CHST7: variants seen among roughly 807,000 people sequenced by gnomAD.
The protein encoded by CHST7 is N-acetylglucosamine 6-O-sulfotransferase 4.
Under a neutral mutation model 9.0 loss-of-function variants are expected in CHST7, and 5 were observed. That is an observed-to-expected ratio of 0.56 (90% CI 0.29 to 1.17). CHST7 has a LOEUF of 1.17. Ranked by LOEUF, CHST7 falls within the 50% of genes most tolerant of loss-of-function variation. The pLI is 0.08. For synonymous variants in CHST7, 244 were observed against 237.1 expected (o/e 1.03, Z -0.27); for missense variants, 377 against 485.1 (o/e 0.78, Z 2.09).
chrX:46,594,912 C>A (rs1332193487), intron 1 of CHST7, among the ~76,000 whole-genome samples: 1 of 111,469 alleles, frequency 9.0e-6, no homozygotes, highest in Non-Finnish European at 1.9e-5. Flanking sequence ...GTTCCACAGG[C>A]CCCTGAGGCT....
rs1166845417 is a variant in CHST7 at position 46,575,023 on chromosome X, C to T, written c.1092C>T (p.Ala364=). ...RDLLFARGAP[A]WLRRRYLRLR... Reference sequence around the variant, plus strand: ...TGCTTTTCGCGCGCGGCGCGCCCGCCTGGCTGCGGCGCCGCTACCTGAGGC... The same window carrying T: ...TGCTTTTCGCGCGCGGCGCGCCCGCTTGGCTGCGGCGCCGCTACCTGAGGC... Residue 364 remains alanine (A), a synonymous_variant, in exon 1 of 2, where the codon GCC becomes GCT. Coordinates refer to ENST00000276055, the MANE Select transcript of CHST7 (RefSeq NM_019886.4). 9 of 1,129,305 alleles carry T rather than the reference C, an allele frequency of 8.0e-6. No individual in the cohort carries two copies. Among genetic ancestry groups the T allele is most frequent in the East Asian group, 3.5e-5 (1 of 28,783 alleles). 93.1% of individuals were successfully genotyped at this position (1,129,305 alleles called of 1,213,427 possible).
At position 46,574,854 on chromosome X, in the gene CHST7, G is replaced by A; in HGVS notation, c.923G>A (p.Gly308Asp). The A allele has an allele frequency of 1.7e-6, 2 of 1,180,075 alleles. No homozygotes were observed. ...SIQVLRTRQRGDRFHRVLLAH... is the reference protein window; with the variant it reads ...SIQVLRTRQRDDRFHRVLLAH... ...CAGGTGCTGCGCACCCGCCAGAGGG[G>A]CGACCGCTTCCACCGTGTGCTGCTG... The change falls in exon 1 of 2, where the codon GGC (glycine) becomes GAC (aspartate). Residue 308 changes from glycine to aspartate, a missense_variant. Physicochemically the swap from Gly to Asp is moderately conservative, Grantham distance 94. Around this residue, in one of 3 missense-constraint regions of CHST7, gnomAD observed 239 missense variants for 325.7 expected, o/e 0.73. Coordinates refer to ENST00000276055, the MANE Select transcript of CHST7 (RefSeq NM_019886.4).
chrX:46,580,294 G>A (rs2146637739), intron 1 of CHST7, among the ~76,000 whole-genome samples: 1 of 111,246 alleles, frequency 9.0e-6, no homozygotes, highest in African/African-American at 3.3e-5. Context: ...TCTTGACCTC[G>A]TGATCCACCC....
intron 1 of CHST7, among the ~76,000 whole-genome samples, chrX:46,578,143 A>T (rs1233448377): frequency 9.0e-6 from 1 of 110,633 alleles, no homozygotes; most frequent in Non-Finnish European, 1.9e-5. Context: ...TTCCCACTGT[A>T]ACAAGATGGT....
At chrX:46,576,310 C>T (rs988771593) in intron 1 of CHST7, among the ~76,000 whole-genome samples, 1 of 110,960 alleles carries the variant, frequency 9.0e-6, no homozygotes, top group African/African-American at 3.3e-5. Flanking sequence ...CTAGTGTCGA[C>T]AAGACCTCAG....
intron 1 of CHST7, among the ~76,000 whole-genome samples, chrX:46,581,591 G>A (rs890066114): frequency 1.5e-5 from 1 of 67,979 alleles, no homozygotes; most frequent in South Asian, 7.8e-4. Flanking sequence ...TAAGCATGTG[G>A]TAAAAATAGA....
At chrX:46,587,598 C>G (rs984831089) in intron 1 of CHST7, among the ~76,000 whole-genome samples, 3 of 111,996 alleles carry the variant, frequency 2.7e-5, no homozygotes, top group African/African-American at 6.5e-5. Flanking sequence ...TATTAGCAAA[C>G]TAAATGTTTC....
chrX:46,594,728 C>T (rs1467063529), intron 1 of CHST7, among the ~76,000 whole-genome samples: 1 of 110,999 alleles, frequency 9.0e-6, no homozygotes, highest in African/African-American at 3.3e-5. Flanking sequence ...TTGACTATGC[C>T]ATGGCTTGGT....
At chrX:46,592,522 C>T (rs745620623) in intron 1 of CHST7, among the ~76,000 whole-genome samples, 1 of 111,494 alleles carries the variant, frequency 9.0e-6, no homozygotes, top group Admixed American at 9.5e-5. Flanking sequence ...GTCACCACAC[C>T]CGGCTAATTT....
intron 1 of CHST7, among the ~76,000 whole-genome samples, chrX:46,580,652 C>T (rs1942520694): frequency 8.9e-6 from 1 of 111,773 alleles, no homozygotes; most frequent in Admixed American, 9.5e-5. Context: ...TTGGGCCTGC[C>T]TTCCCTGGCA....
Position 46,575,833 on chromosome X carries a change from T to C in CHST7, c.*31+410T>C, listed in dbSNP as rs768561479. Among the ~76,000 whole-genome samples the C allele has an allele frequency of 2.1e-4, 23 of 111,925 alleles. No individual in the cohort carries two copies. The South Asian group carries it at 8.5e-3, about 41-fold the overall frequency. ...CATTTGAGGTTGATGATTATGGAGT[T>C]ATCTTGATGCCAGTTTGTCCTGTGA... On this transcript the variant is annotated intron_variant, in intron 1 of 1. Coordinates refer to ENST00000276055, the MANE Select transcript of CHST7 (RefSeq NM_019886.4).
chrX:46,592,691 A>G (rs1226743459), intron 1 of CHST7, among the ~76,000 whole-genome samples: 1 of 110,926 alleles, frequency 9.0e-6, no homozygotes, highest in Non-Finnish European at 1.9e-5. Context: ...TTTTCAAAGT[A>G]CCAGCTTTTT....
chrX:46,580,436 T>C (rs1029314642), intron 1 of CHST7, among the ~76,000 whole-genome samples: 3 of 111,785 alleles, frequency 2.7e-5, no homozygotes, highest in Non-Finnish European at 5.6e-5. Context: ...CCTAATAGCA[T>C]ATCAACCTGG....
chrX:46,596,239 G>C lies in CHST7; in HGVS notation c.*32-1521G>C, dbSNP rs1334455430. Among the ~76,000 whole-genome samples the C allele has an allele frequency of 2.7e-5, 3 of 110,969 alleles. No individual in the cohort carries two copies. The Admixed American group carries it at 2.9e-4, about 11-fold the overall frequency. On this transcript the variant is annotated intron_variant, in intron 1 of 1. Coordinates refer to ENST00000276055, the MANE Select transcript of CHST7 (RefSeq NM_019886.4). ...TAAGTAACCTGTTGTGGAGGCTAAA[G>C]TAACTCCATCTTGGATGCTAATCCA...
chrX:46,583,119 CAAAA>C (rs902654136), intron 1 of CHST7, among the ~76,000 whole-genome samples: 5 of 110,655 alleles, frequency 4.5e-5, no homozygotes, highest in African/African-American at 1.6e-4. Context: ...AAGAATGAAA[CAAAA>C]AAAACTAAAC....
rs772023547 is a variant in CHST7 at position 46,584,207 on chromosome X, G to A, written c.*31+8784G>A. On this transcript the variant is annotated intron_variant, in intron 1 of 1. Transcript: ENST00000276055. ...TGAAAATAGCCACTGAGGTAGACACGTTTTGCTTACAGAATCGAAGCCCTT... is the reference window on the plus strand; with the variant it reads ...TGAAAATAGCCACTGAGGTAGACACATTTTGCTTACAGAATCGAAGCCCTT... 1.3e-4 allele frequency among the ~76,000 whole-genome samples: 14 copies of A among 111,208 alleles called. No homozygotes were observed. The East Asian group carries it at 3.1e-3, about 25-fold the overall frequency.
chrX:46,588,340 G>A (rs1323992362), intron 1 of CHST7, among the ~76,000 whole-genome samples: 1 of 111,776 alleles, frequency 8.9e-6, no homozygotes, highest in Non-Finnish European at 1.9e-5. Context: ...GCCACTGAGA[G>A]AGGCAGAGCC....
rs1337713669 is a variant in CHST7 at position 46,598,277 on chromosome X, A to AAAG, written c.*553_*555dup. 9 of 112,564 alleles carry AAAG rather than the reference A, an allele frequency of 8.0e-5. No homozygotes were observed. The highest frequency in any genetic ancestry group is 2.3e-4 in the African/African-American group (7 of 30,972). The allele number at this position is 112,564 out of a possible 1,213,427, so 9.3% of individuals were successfully genotyped here. ...CCCTCTACCCAGAACTGATTTTTAA[A>AAAG]AAGAAGTAATTTTTCTCCCTGGGCT... On this transcript the variant is annotated 3_prime_UTR_variant, in exon 2 of 2. Transcript: ENST00000276055.
intron 1 of CHST7, among the ~76,000 whole-genome samples, chrX:46,584,644 G>A (rs1303792223): frequency 3.6e-5 from 4 of 110,700 alleles, no homozygotes; most frequent in African/African-American, 9.9e-5. Context: ...TGCCTAGAGC[G>A]AGTGCTTGTT....
Sources: allele counts gnomAD v4.1 joint callset (sites outside exome capture counted in the v4.1 genomes callset), GRCh38; gene constraint gnomAD v4.1.1; regional missense constraint gnomAD v4.1.1; transcripts MANE v1.5; gene names NCBI Gene and HGNC (gene_info 2026-07-23, HGNC 2026-07-21).